Variants in LRCH2 observed in about 807,000 individuals in gnomAD.
LRCH2 encodes the protein leucine rich repeats and calponin homology domain containing 2.
In LRCH2, 38 loss-of-function variants were observed where a neutral mutation model predicts 68.9. The observed-to-expected ratio is 0.55, with a 90% CI of 0.43 to 0.72. The LOEUF is 0.72. Among genes scored for constraint, LRCH2 ranks in the 30% least tolerant of loss-of-function variants. The pLI is 0.00. For missense variants in LRCH2, 528 were observed against 572.9 expected, an observed-to-expected ratio of 0.92 and a Z score of 0.80; for synonymous variants, 191 against 208.1, an observed-to-expected ratio of 0.92 and a Z score of 0.71.
At chrX:115,123,920 T>A (rs916123700) in intron 17 of LRCH2, 25 bp downstream of exon 17, 4 of 1,012,246 alleles carry the variant, frequency 4.0e-6, no homozygotes, top group Non-Finnish European at 5.3e-6. Flanking sequence ...AACTAATAAA[T>A]TTTATTTACA....
chrX:115,119,999 C>T (rs2072122115), intron 20 of LRCH2, among the ~76,000 whole-genome samples: 1 of 110,914 alleles, frequency 9.0e-6, no homozygotes. Context: ...CCCTTCCTTA[C>T]ACCTTATAAA....
chrX:115,179,699 T>C lies in LRCH2; in HGVS notation c.674A>G (p.His225Arg), dbSNP rs2072677199. The change falls in exon 4 of 21, where the codon CAT (histidine) becomes CGT (arginine). Residue 225 changes from histidine (H) to arginine (R), a missense_variant. By Grantham distance (29) the His-to-Arg change is conservative (BLOSUM62 0). Coordinates refer to ENST00000317135, the MANE Select transcript of LRCH2 (RefSeq NM_020871.4). ...QVLPQQMGKL[H>R]SLRELNIRRN... Reference sequence around the variant, plus strand: ...TCTTATATTTAGCTCTCTAAGTGAATGTAATTTTCCCATTTGTTGGGGAAG... The same window carrying C: ...TCTTATATTTAGCTCTCTAAGTGAACGTAATTTTCCCATTTGTTGGGGAAG... The C allele has an allele frequency of 3.4e-6, 4 of 1,165,254 alleles. No individual in the cohort carries two copies. The highest frequency in any genetic ancestry group is 2.3e-6 in the Non-Finnish European group (2 of 874,354).
intron 1 of LRCH2, among the ~76,000 whole-genome samples, chrX:115,206,410 G>A (rs1242929284): frequency 2.7e-5 from 3 of 112,182 alleles, no homozygotes; most frequent in African/African-American, 6.5e-5. Context: ...GGAAGGTTGT[G>A]GGTTTACCGG....
chrX:115,190,710 TGAG>T (rs1556557980), intron 1 of LRCH2: 1 of 1,056,274 alleles, frequency 9.5e-7, no homozygotes, highest in Non-Finnish European at 1.2e-6. Flanking sequence ...AAGGCCGCTA[TGAG>T]GAGTACCGAG....
chrX:115,212,813 A>T lies in LRCH2; in HGVS notation c.349+20880T>A, dbSNP rs897002109. Among the ~76,000 whole-genome samples, 110 of 109,761 alleles carry T rather than the reference A, an allele frequency of 1.0e-3. 1 individual carries two copies. Among genetic ancestry groups the T allele is most frequent in the African/African-American group, 3.5e-3 (105 of 30,222 alleles). On this transcript the variant is annotated intron_variant, in intron 1 of 20. Coordinates refer to ENST00000317135, the MANE Select transcript of LRCH2 (RefSeq NM_020871.4). The stretch of plus-strand genomic sequence containing the variant: ...TGGCAAAACCCCATTTCTACAAAAA[A>T]TACAAAAAAATAGCCGAGTGTAGTG...
chrX:115,195,388 A>G (rs183004706), intron 1 of LRCH2, among the ~76,000 whole-genome samples: 3 of 109,026 alleles, frequency 2.8e-5, no homozygotes, highest in African/African-American at 1.0e-4. Context: ...GAGATCAAGA[A>G]TGGGCTATCA....
chrX:115,166,328 T>C lies in LRCH2; in HGVS notation c.1013A>G (p.Tyr338Cys). ...QPLTDSMEDFYPNKNHGPDSG... is the reference protein window; with the variant it reads ...QPLTDSMEDFCPNKNHGPDSG... ...GTCAGGGCCATGATTTTTATTTGGA[T>C]AAAAATCTTCCATACTATGGAAATA... Residue 338 changes from tyrosine (Y) to cysteine (C), a missense_variant, in exon 7 of 21, where the codon TAT becomes TGT. Transcript: ENST00000317135. 2.6e-6 allele frequency: 3 copies of C among 1,171,877 alleles called. No homozygotes were observed. The highest frequency in any genetic ancestry group is 2.3e-6 in the Non-Finnish European group (2 of 863,522).
intron 1 of LRCH2, among the ~76,000 whole-genome samples, chrX:115,224,134 G>A (rs782524017): frequency 9.9e-5 from 11 of 111,572 alleles, no homozygotes; most frequent in Non-Finnish European, 1.7e-4. Flanking sequence ...CCTGAATTAA[G>A]TCATTTACAT....
intron 20 of LRCH2, among the ~76,000 whole-genome samples, chrX:115,117,210 T>A (rs1276338157): frequency 9.0e-6 from 1 of 111,546 alleles, no homozygotes; most frequent in Non-Finnish European, 1.9e-5. Flanking sequence ...CATTAGTCTT[T>A]AGGAAAATGC....
At position 115,163,744 on chromosome X, in the gene LRCH2, A is replaced by G. The variant is rs1448461251; in HGVS notation, c.1395T>C (p.Asp465=). Residue 465 remains aspartate (D), a synonymous_variant, in exon 11 of 21, where the codon GAT becomes GAC. Transcript: ENST00000317135. ...KEQLLAEEED[D]DLKEVTDLRK... Reference sequence around the variant, plus strand: ...TCAAATCAGTTACTTCCTTCAAATCATCATCCTCTTCCTCTGCCAGTAACT... The same window carrying G: ...TCAAATCAGTTACTTCCTTCAAATCGTCATCCTCTTCCTCTGCCAGTAACT... 3 of 1,198,716 alleles carry G rather than the reference A, an allele frequency of 2.5e-6. No homozygotes were observed. Among genetic ancestry groups the G allele is most frequent in the Non-Finnish European group, 3.4e-6 (3 of 888,351 alleles).
At chrX:115,192,562 A>C in intron 1 of LRCH2, 1 of 1,170,066 alleles carries the variant, frequency 8.5e-7, no homozygotes, top group Non-Finnish European at 1.1e-6. Context: ...TGATTCTTAC[A>C]GCCGGTCAGG....
chrX:115,226,155 G>A (rs1556576166), intron 1 of LRCH2, among the ~76,000 whole-genome samples: 1 of 111,275 alleles, frequency 9.0e-6, no homozygotes, highest in Non-Finnish European at 1.9e-5. Flanking sequence ...GAATGAAAAT[G>A]GCTATCAGTG....
At chrX:115,189,646 A>C in intron 1 of LRCH2, 1 of 1,168,754 alleles carries the variant, frequency 8.6e-7, no homozygotes, top group Non-Finnish European at 1.1e-6. Flanking sequence ...CGCCAGAGAT[A>C]TGAACGGCAA....
intron 1 of LRCH2, among the ~76,000 whole-genome samples, chrX:115,215,895 T>C (rs1473650412): frequency 5.4e-5 from 6 of 111,291 alleles, no homozygotes; most frequent in African/African-American, 2.0e-4. Context: ...GAATACAAAA[T>C]GAGGTAACTT....
chrX:115,119,149 G>A (rs1447391319), intron 20 of LRCH2, among the ~76,000 whole-genome samples: 3 of 110,170 alleles, frequency 2.7e-5, no homozygotes, highest in Admixed American at 9.7e-5. Flanking sequence ...ATTCAACATA[G>A]TGTTGGAAGT....
At chrX:115,161,640 GCAGT>G (rs1248154391) in intron 11 of LRCH2, among the ~76,000 whole-genome samples, 4 of 110,596 alleles carry the variant, frequency 3.6e-5, no homozygotes, top group Non-Finnish European at 5.7e-5. Flanking sequence ...TAATTTTCAA[GCAGT>G]CAATCAAAAA....
intron 14 of LRCH2, among the ~76,000 whole-genome samples, chrX:115,137,374 A>C (rs782281761): frequency 9.1e-5 from 10 of 110,083 alleles, no homozygotes; most frequent in Non-Finnish European, 1.7e-4. Flanking sequence ...AAGTTATAGG[A>C]TGTAAATTTA....
At chrX:115,191,376 C>T (rs782246508) in intron 1 of LRCH2, 2 of 1,148,260 alleles carry the variant, frequency 1.7e-6, no homozygotes, top group Non-Finnish European at 2.3e-6. Flanking sequence ...GTGGAGGCCG[C>T]TCGCCTGATG....
At chrX:115,216,698 T>C (rs2073044288) in intron 1 of LRCH2, among the ~76,000 whole-genome samples, 1 of 111,968 alleles carries the variant, frequency 8.9e-6, no homozygotes, top group Admixed American at 9.5e-5. Flanking sequence ...GAAAACAGTA[T>C]GACGATTTGT....
Sources: allele counts gnomAD v4.1 joint callset (sites outside exome capture counted in the v4.1 genomes callset), GRCh38; gene constraint gnomAD v4.1.1; transcripts MANE v1.5; gene names NCBI Gene and HGNC (gene_info 2026-07-23, HGNC 2026-07-21).